The following IQSEC1 variants were observed in gnomAD, a reference collection of about 807,000 sequenced individuals.
IQSEC1 encodes the protein IQ motif and SEC7 domain-containing protein 1.
IQSEC1 carries 31 observed loss-of-function variants against 91.0 expected under a neutral mutation model. The observed-to-expected ratio is 0.34, with a 90% CI of 0.26 to 0.46. IQSEC1 has a LOEUF of 0.46. Among genes scored for constraint, IQSEC1 ranks in the 20% least tolerant of loss-of-function variants. The pLI, the probability that IQSEC1 is intolerant of heterozygous loss-of-function variation, is 1.00. For missense variants in IQSEC1, 1,388 were observed against 1,575.6 expected (o/e 0.88, Z 2.02); for synonymous variants, 699 against 662.6 (o/e 1.05, Z -0.84).
rs576524457 is a variant in IQSEC1, at chr3:12,924,183, A to G, written c.1730+398T>C. On this transcript the variant is annotated intron_variant, in intron 4 of 13. Coordinates refer to ENST00000613206, the MANE Select transcript of IQSEC1 (RefSeq NM_001134382.3). This position sits in a 1 kb window ranked among gnomAD's most constrained non-coding sequence, Gnocchi z 6.3. ...AGGACAACAGCCAGGCCAGGGGAAG[A>G]GGCCCTGACGTCCAGCTGCCTGCTC... Among the ~76,000 whole-genome samples the G allele has an allele frequency of 1.3e-4, 20 of 152,314 alleles. No individual in the cohort carries two copies. Among genetic ancestry groups the G allele is most frequent in the African/African-American group, 3.6e-4 (15 of 41,550 alleles).
chr3:13,053,971 T>C (rs559014847), intron 1 of IQSEC1, among the ~76,000 whole-genome samples: 2 of 152,306 alleles, frequency 1.3e-5, no homozygotes, highest in African/African-American at 4.8e-5. Flanking sequence ...TGGGTGTAGA[T>C]GTGTTTTAGT....
chr3:13,066,580 G>A (rs1705237054), intron 1 of IQSEC1, among the ~76,000 whole-genome samples: 1 of 152,258 alleles, frequency 6.6e-6, no homozygotes, highest in South Asian at 2.1e-4. Context: ...CTTCCAGGCA[G>A]GGCTGGGCAG....
chr3:13,109,108 T>G (rs1172778540), intron 2 of IQSEC1, among the ~76,000 whole-genome samples: 1 of 152,136 alleles, frequency 6.6e-6, no homozygotes, highest in Non-Finnish European at 1.5e-5. Context: ...GTGGGCAGAA[T>G]GACTCTCACT....
At chr3:12,925,880 G>A (rs2125222904) in intron 3 of IQSEC1, among the ~76,000 whole-genome samples, 1 of 152,374 alleles carries the variant, frequency 6.6e-6, no homozygotes, top group South Asian at 2.1e-4. Context: ...AGCCCTGGGA[G>A]CAGGCCCTGC....
intron 6 of IQSEC1, among the ~76,000 whole-genome samples, chr3:12,917,839 T>G (rs1318485877): frequency 1.3e-5 from 2 of 152,214 alleles, no homozygotes; most frequent in Admixed American, 1.3e-4. Context: ...TTAAAAAATT[T>G]AAGAACAAAC....
At chr3:13,114,359 G>T (rs898301593) in intron 2 of IQSEC1, among the ~76,000 whole-genome samples, 1 of 152,134 alleles carries the variant, frequency 6.6e-6, no homozygotes, top group East Asian at 1.9e-4. Context: ...GGCAAAAGGG[G>T]GACACAGGTG....
intron 1 of IQSEC1, among the ~76,000 whole-genome samples, chr3:13,003,525 GA>G (rs1357889469): frequency 2.0e-4 from 31 of 152,244 alleles, no homozygotes; most frequent in African/African-American, 7.5e-4. Context: ...CAGGGCCATG[GA>G]AACGATTAAA....
intron 1 of IQSEC1, among the ~76,000 whole-genome samples, chr3:12,977,001 T>C (rs960534501): frequency 9.9e-5 from 15 of 152,128 alleles, no homozygotes; most frequent in African/African-American, 3.6e-4. Context: ...CTAGGAGAGC[T>C]CAGTATTTAA....
In IQSEC1 at chr3:12,900,164, T is replaced by C; in HGVS notation, c.*819A>G. 3 of 971,272 alleles carry C rather than the reference T, an allele frequency of 3.1e-6. No individual in the cohort carries two copies. Among genetic ancestry groups the C allele is most frequent in the Non-Finnish European group, 3.7e-6 (3 of 817,134 alleles). 60.2% of individuals were successfully genotyped at this position (971,272 alleles called of 1,614,324 possible). Reference sequence around the variant, plus strand: ...TTATGATAGTATTCTGTTAATAAAATAAGGATTTATACAAAGCAATACTGG... The same window carrying C: ...TTATGATAGTATTCTGTTAATAAAACAAGGATTTATACAAAGCAATACTGG... On this transcript the variant is annotated 3_prime_UTR_variant, in exon 14 of 14. Transcript: ENST00000613206.
At chr3:13,266,798 C>T (rs368770799) in intron 1 of IQSEC1, among the ~76,000 whole-genome samples, 15 of 152,094 alleles carry the variant, frequency 9.9e-5, no homozygotes, top group East Asian at 7.7e-4. Flanking sequence ...TAACAACGCT[C>T]GCTGCCTCCT....
rs77075356 is a variant in IQSEC1, at chr3:13,243,622, C to T, written c.272+39089G>A. Among the ~76,000 whole-genome samples the T allele has an allele frequency of 2.2e-3, 333 of 152,288 alleles. 1 individual carries two copies. Among genetic ancestry groups the T allele is most frequent in the African/African-American group, 7.4e-3 (307 of 41,562 alleles). On this transcript the variant is annotated intron_variant, in intron 1 of 15. Coordinates refer to the IQSEC1 transcript ENST00000648114. ...GCGGATGCGCTGGGCCAGGAGACAG[C>T]CTCATTCCCCTCCAGACCGAGGAGA... is the stretch of plus-strand genomic sequence containing the variant.
At position 13,250,419 on chromosome 3, in the gene IQSEC1, C is replaced by CT. The variant is rs201786837; in HGVS notation, c.272+32291_272+32292insA. Among the ~76,000 whole-genome samples the CT allele has an allele frequency of 2.3e-4, 34 of 147,168 alleles. 3 individuals are homozygous for CT. The highest frequency in any genetic ancestry group is 8.2e-4 in the African/African-American group (32 of 38,998). The stretch of plus-strand genomic sequence containing the variant: ...CAGCGAGTGCTATCAGCCCCACTTT[C>CT]CTTTTTTTTTTTTTTTTGAGACAGA... On this transcript the variant is annotated intron_variant, in intron 1 of 15. Coordinates refer to the IQSEC1 transcript ENST00000648114.
rs1491045913 is a variant in IQSEC1, at chr3:12,964,325, CAT to C, written c.24-22462_24-22461del. On this transcript the variant is annotated intron_variant, in intron 1 of 13. Transcript: ENST00000613206. ...ACACACACACACACACACACACACA[CAT>C]GCTTCCATGGGAGATCTCTCCCAAG... Among the ~76,000 whole-genome samples, 40 of 148,418 alleles carry C rather than the reference CAT, an allele frequency of 2.7e-4. No homozygotes were observed. In the South Asian group the frequency reaches 6.9e-3, roughly 26 times the overall value.
At chr3:13,253,499 C>G (rs1008455883) in intron 1 of IQSEC1, among the ~76,000 whole-genome samples, 14 of 152,194 alleles carry the variant, frequency 9.2e-5, no homozygotes, top group Non-Finnish European at 1.9e-4. Context: ...CTGAATGAAG[C>G]TTCGGTAATA....
intron 1 of IQSEC1, among the ~76,000 whole-genome samples, chr3:13,202,915 T>C (rs1470217544): frequency 2.6e-5 from 4 of 152,230 alleles, no homozygotes; most frequent in Admixed American, 2.6e-4. Flanking sequence ...CTGAGCATGC[T>C]ACATGCAGCA....
intron 1 of IQSEC1, among the ~76,000 whole-genome samples, chr3:12,969,286 TC>T (rs942752169): frequency 7.0e-6 from 1 of 143,000 alleles, no homozygotes; most frequent in African/African-American, 2.4e-5. Context: ...TAGATTTTTC[TC>T]CAAAGACAAT....
intron 1 of IQSEC1, among the ~76,000 whole-genome samples, chr3:13,041,534 TC>T (rs1318679550): frequency 6.6e-6 from 1 of 152,198 alleles, no homozygotes; most frequent in Admixed American, 6.5e-5. Context: ...AATTCCCTCC[TC>T]CAGGTCTTTA....
chr3:13,007,321 C>T (rs1037991855), intron 1 of IQSEC1, among the ~76,000 whole-genome samples: 1 of 152,262 alleles, frequency 6.6e-6, no homozygotes, highest in Non-Finnish European at 1.5e-5. Context: ...GGCTCTGTAA[C>T]TGGCCTGTCG....
At chr3:13,012,963 G>GATTTTTTTTT (rs1269672691) in intron 1 of IQSEC1, among the ~76,000 whole-genome samples, 2 of 40,952 alleles carry the variant, frequency 4.9e-5, no homozygotes, top group Non-Finnish European at 9.8e-5. Flanking sequence ...GAAAGTCTGG[G>GATTTTTTTTT]CTTTTTTTTT....
Sources: allele counts gnomAD v4.1 joint callset (sites outside exome capture counted in the v4.1 genomes callset), GRCh38; gene constraint gnomAD v4.1.1; non-coding constraint Gnocchi (gnomAD v3.1); transcripts MANE v1.5; gene names NCBI Gene and HGNC (gene_info 2026-07-23, HGNC 2026-07-21).